GRID2: variants seen among roughly 807,000 people sequenced by gnomAD.
The protein encoded by GRID2 is glutamate ionotropic receptor delta type subunit 2, also known as glutamate receptor ionotropic, delta-2.
GRID2 carries 33 observed loss-of-function variants against 114.8 expected under a neutral mutation model. The observed-to-expected ratio is 0.29, with a 90% CI of 0.22 to 0.38. The LOEUF is 0.38. Ranked by LOEUF, GRID2 falls within the 10% of genes least tolerant of loss-of-function variation. The pLI, the probability that GRID2 is intolerant of heterozygous loss-of-function variation, is 1.00. For synonymous variants in GRID2, 505 were observed against 449.9 expected (o/e 1.12, Z -1.55); for missense variants, 1,184 against 1,257.7 (o/e 0.94, Z 0.89).
intron 4 of GRID2, among the ~76,000 whole-genome samples, chr4:93,124,054 T>C (rs1166423591): frequency 2.0e-5 from 3 of 147,738 alleles, no homozygotes; most frequent in Non-Finnish European, 4.4e-5. Context: ...CATGTATACA[T>C]ATGTAACTAA....
intron 2 of GRID2, among the ~76,000 whole-genome samples, chr4:92,999,917 T>G (rs1755434058): frequency 6.6e-6 from 1 of 151,724 alleles, no homozygotes; most frequent in South Asian, 2.1e-4. Context: ...ACTTTATTCA[T>G]CAGGAACAGT....
At chr4:93,327,840 C>T (rs937119570) in intron 8 of GRID2, among the ~76,000 whole-genome samples, 3 of 151,930 alleles carry the variant, frequency 2.0e-5, no homozygotes, top group Non-Finnish European at 4.4e-5. Context: ...TACTACTGCA[C>T]AATATATTTA....
intron 2 of GRID2, among the ~76,000 whole-genome samples, chr4:92,690,213 GA>G (rs375890219): frequency 2.6e-4 from 39 of 150,024 alleles, no homozygotes; most frequent in African/African-American, 7.3e-4. Flanking sequence ...AAAAAAAAAA[GA>G]AAAAAAGTAT....
At chr4:92,848,200 A>C (rs757937248) in intron 2 of GRID2, among the ~76,000 whole-genome samples, 1 of 149,674 alleles carries the variant, frequency 6.7e-6, no homozygotes, top group African/African-American at 2.4e-5. Context: ...ATCAACAAAC[A>C]CAATCACACA....
At chr4:92,775,314 A>G (rs1345374390) in intron 2 of GRID2, among the ~76,000 whole-genome samples, 1 of 152,194 alleles carries the variant, frequency 6.6e-6, no homozygotes, top group Non-Finnish European at 1.5e-5. Context: ...GCAGATCTGC[A>G]TGTTGACTGT....
intron 8 of GRID2, among the ~76,000 whole-genome samples, chr4:93,279,155 TA>T (rs1317286552): frequency 1.3e-5 from 2 of 151,788 alleles, no homozygotes; most frequent in Non-Finnish European, 2.9e-5. Context: ...AATATTTTAA[TA>T]ATTCCAATAA....
chr4:93,129,203 G>A (rs1432224809), intron 4 of GRID2, among the ~76,000 whole-genome samples: 2 of 152,146 alleles, frequency 1.3e-5, no homozygotes, highest in Non-Finnish European at 2.9e-5. Flanking sequence ...TTAGCAATTA[G>A]TACATCTACT....
At chr4:92,747,863 C>T (rs1365154852) in intron 2 of GRID2, among the ~76,000 whole-genome samples, 1 of 152,168 alleles carries the variant, frequency 6.6e-6, no homozygotes, top group African/African-American at 2.4e-5. Flanking sequence ...TCCCTCTCCT[C>T]TGATCATACA....
chr4:92,780,165 A>C (rs2149358040), intron 2 of GRID2, among the ~76,000 whole-genome samples: 1 of 152,278 alleles, frequency 6.6e-6, no homozygotes, highest in African/African-American at 2.4e-5. Context: ...AGAAACTAAT[A>C]ATAGAGCAAA....
chr4:92,548,577 A>G (rs1560704491), intron 1 of GRID2, among the ~76,000 whole-genome samples: 1 of 151,346 alleles, frequency 6.6e-6, no homozygotes, highest in Non-Finnish European at 1.5e-5. Context: ...TGTTTTTAGT[A>G]GAGATGGGTT....
rs545250756 is a variant in GRID2 at position 93,223,926 on chromosome 4, T to G, written c.964-688T>G. Among the ~76,000 whole-genome samples, 8 of 152,242 alleles carry G rather than the reference T, an allele frequency of 5.3e-5. No homozygotes were observed. The South Asian group carries it at 1.7e-3, about 32-fold the overall frequency. ...TTCAATCTATGTAGAAAGAAGTTAATAACATGGTTGTTTCAGAAGAAGAAA... is the reference window on the plus strand; with the variant it reads ...TTCAATCTATGTAGAAAGAAGTTAAGAACATGGTTGTTTCAGAAGAAGAAA... On this transcript the variant is annotated intron_variant, in intron 6 of 15. Coordinates refer to ENST00000282020, the MANE Select transcript of GRID2 (RefSeq NM_001510.4).
At chr4:93,647,875 A>T (rs1245059661) in intron 14 of GRID2, among the ~76,000 whole-genome samples, 1 of 152,216 alleles carries the variant, frequency 6.6e-6, no homozygotes, top group Non-Finnish European at 1.5e-5. Flanking sequence ...TTTATTGCAC[A>T]TTTATTAAGT....
intron 14 of GRID2, among the ~76,000 whole-genome samples, chr4:93,759,438 C>T (rs915212384): frequency 1.3e-5 from 2 of 152,050 alleles, no homozygotes; most frequent in South Asian, 2.1e-4. Context: ...AAATGTTGTT[C>T]TAAATGTTAA....
At chr4:93,389,719 C>CT in intron 8 of GRID2, among the ~76,000 whole-genome samples, 1 of 151,898 alleles carries the variant, frequency 6.6e-6, no homozygotes, top group Non-Finnish European at 1.5e-5. Flanking sequence ...AAAATAATGA[C>CT]TTTATTAAAA....
At chr4:92,896,259 G>T (rs561025963) in intron 2 of GRID2, among the ~76,000 whole-genome samples, 2 of 152,184 alleles carry the variant, frequency 1.3e-5, no homozygotes, top group Non-Finnish European at 2.9e-5. Context: ...GTAGCCAGGT[G>T]TTCCCCTCTG....
chr4:92,953,752 T>C (rs1213241528), intron 2 of GRID2, among the ~76,000 whole-genome samples: 1 of 152,134 alleles, frequency 6.6e-6, no homozygotes, highest in Non-Finnish European at 1.5e-5. Context: ...CATATTTTTT[T>C]ATGAACCAAA....
In GRID2 at chr4:93,377,540, G is replaced by T. The variant is rs1763485531; in HGVS notation, c.1246-18067G>T. ...CCACCCACATTAGCACAGTATTCTA[G>T]TCACCTGTGATAACCTGTCCAGAAG... On this transcript the variant is annotated intron_variant, in intron 8 of 15. Transcript: ENST00000282020. 2.6e-5 allele frequency among the ~76,000 whole-genome samples: 4 copies of T among 152,226 alleles called. No individual in the cohort carries two copies. The South Asian group carries it at 8.3e-4, about 32-fold the overall frequency.
rs557092425 is a variant in GRID2, at chr4:92,611,151, T to C, written c.244+20865T>C. Among the ~76,000 whole-genome samples the C allele has an allele frequency of 2.7e-4, 40 of 149,504 alleles. 1 individual carries two copies. In the East Asian group the frequency reaches 4.1e-3, roughly 15 times the overall value. On this transcript the variant is annotated intron_variant, in intron 2 of 15. Coordinates refer to ENST00000282020, the MANE Select transcript of GRID2 (RefSeq NM_001510.4). ...GTGTGCATGTGTGTGTGTGCATGTG[T>C]GTGTGTGTGTGTGTGTTTTAGCCTG...
At chr4:93,021,233 C>A (rs1212994516) in intron 2 of GRID2, among the ~76,000 whole-genome samples, 1 of 151,468 alleles carries the variant, frequency 6.6e-6, no homozygotes, top group Non-Finnish European at 1.5e-5. Context: ...TTTTAGAATG[C>A]ATCTTATATA....
Sources: gnomAD v4.1 joint callset for allele counts (sites outside exome capture counted in the v4.1 genomes callset) on GRCh38, gnomAD v4.1.1 for gene constraint, MANE v1.5 for transcripts, NCBI Gene and HGNC (gene_info 2026-07-23, HGNC 2026-07-21) for gene names.